The following CDKL2 variants were observed in gnomAD, a reference collection of about 807,000 sequenced individuals.
The protein encoded by CDKL2 is cyclin-dependent kinase-like 2.
A neutral mutation model predicts 63.9 loss-of-function variants in CDKL2; 64 were observed. The observed-to-expected ratio is 1.00, with a 90% CI of 0.82 to 1.23. The LOEUF (loss-of-function observed/expected upper bound fraction) is 1.23, where lower values mean the gene tolerates loss of function less well. Among genes scored for constraint, CDKL2 ranks in the 50% most tolerant of loss-of-function variants. CDKL2 has a pLI of 0.00. For synonymous variants in CDKL2, 211 were observed against 229.2 expected, an observed-to-expected ratio of 0.92 and a Z score of 0.72; for missense variants, 656 against 668.0, an observed-to-expected ratio of 0.98 and a Z score of 0.20.
chr4:75,599,106 G>A (rs1412380638), intron 7 of CDKL2, among the ~76,000 whole-genome samples: 1 of 152,132 alleles, frequency 6.6e-6, no homozygotes, highest in Admixed American at 6.5e-5. Flanking sequence ...GCTTAACTCA[G>A]CAAACTAATA....
chr4:75,602,336 C>T (rs543645526), intron 6 of CDKL2, among the ~76,000 whole-genome samples: 4 of 152,196 alleles, frequency 2.6e-5, no homozygotes, highest in Admixed American at 1.3e-4. Context: ...CGTGCCACCA[C>T]GCCCAGCTAA....
At chr4:75,595,976 A>AAAGAAGGAAG in intron 10 of CDKL2, 1 of 154,206 alleles carries the variant, frequency 6.5e-6, no homozygotes, top group South Asian at 1.3e-4. Flanking sequence ...AAGGAAGGAA[A>AAAGAAGGAAG]GAAGGAAGGA....
At chr4:75,614,228 A>G in intron 3 of CDKL2, 27 bp downstream of exon 3, 1 of 1,433,626 alleles carries the variant, frequency 7.0e-7, no homozygotes, top group Admixed American at 2.0e-5. Context: ...TATGTGATAA[A>G]GCAAATTATT....
At chr4:75,609,711 G>A (rs932939393) in intron 3 of CDKL2, among the ~76,000 whole-genome samples, 1 of 148,466 alleles carries the variant, frequency 6.7e-6, no homozygotes, top group African/African-American at 2.5e-5. Context: ...GACATTATTA[G>A]GCCTAATTCT....
chr4:75,581,959 A>G, intron 12 of CDKL2, 61 bp from the exon 13 acceptor site: 1 of 1,066,416 alleles, frequency 9.4e-7, no homozygotes, highest in Admixed American at 1.8e-5. Context: ...CACTTCCCCA[A>G]AATTTCAATT....
chr4:75,580,560 A>T (rs539902083), intron 13 of CDKL2, among the ~76,000 whole-genome samples: 1 of 151,654 alleles, frequency 6.6e-6, no homozygotes, highest in South Asian at 2.1e-4. Context: ...CCAGCTACTC[A>T]GGAGGCTGGG....
At chr4:75,583,456 C>A (rs1050190708) in intron 12 of CDKL2, among the ~76,000 whole-genome samples, 3 of 152,144 alleles carry the variant, frequency 2.0e-5, no homozygotes, top group Non-Finnish European at 2.9e-5. Context: ...CTGAAAGATA[C>A]CAGCCTTCCC....
At chr4:75,607,427 G>A (rs1729469982) in intron 3 of CDKL2, 66 bp from the exon 4 acceptor site, 1 of 1,254,422 alleles carries the variant, frequency 8.0e-7, no homozygotes. Flanking sequence ...CCTGCTATGT[G>A]CAGGGCATTG....
chr4:75,615,312 A>G (rs999702296), intron 2 of CDKL2, among the ~76,000 whole-genome samples: 1 of 152,204 alleles, frequency 6.6e-6, no homozygotes, highest in African/African-American at 2.4e-5. Flanking sequence ...ACTTTATTAT[A>G]AGAAACAATC....
At chr4:75,582,196 C>T (rs2148855593) in intron 12 of CDKL2, among the ~76,000 whole-genome samples, 2 of 152,214 alleles carry the variant, frequency 1.3e-5, no homozygotes, top group Middle Eastern at 6.8e-3. Context: ...CTACTTATTA[C>T]AAAAATACAA....
chr4:75,620,459 C>A (rs1730108564), intron 2 of CDKL2, among the ~76,000 whole-genome samples: 1 of 152,076 alleles, frequency 6.6e-6, no homozygotes, highest in Non-Finnish European at 1.5e-5. Flanking sequence ...AATAAAAATT[C>A]TAGGATAGAA....
chr4:75,619,585 A>T (rs1032161707), intron 2 of CDKL2, among the ~76,000 whole-genome samples: 2 of 118,564 alleles, frequency 1.7e-5, no homozygotes, highest in African/African-American at 9.5e-5. Context: ...TATAAAAAAA[A>T]AAAAAAAAAA....
chr4:75,605,570 G>A lies in CDKL2; in HGVS notation c.607C>T (p.Pro203Ser), dbSNP rs1468547449. 6.2e-7 allele frequency: 1 copy of A among 1,613,330 alleles called. No individual in the cohort carries two copies. Among genetic ancestry groups the A allele is most frequent in the Non-Finnish European group, 8.5e-7 (1 of 1,179,360 alleles). The stretch of plus-strand genomic sequence containing the variant: ...AGCTGATCAATATCAGAATCTCCAG[G>A]AAATAGGGGTTCCCCCATGAACATT... ...TEMFMGEPLF[P>S]GDSDIDQLYH... is the part of the protein sequence containing the mutation. The change falls in exon 5 of 14, where the codon CCT becomes TCT. Residue 203 changes from proline (P) to serine (S), a missense_variant. Coordinates refer to ENST00000307465, the MANE Select transcript of CDKL2 (RefSeq NM_001330724.2).
intron 13 of CDKL2, among the ~76,000 whole-genome samples, chr4:75,580,425 G>A (rs1051156590): frequency 1.3e-5 from 2 of 151,870 alleles, no homozygotes; most frequent in African/African-American, 4.8e-5. Context: ...CAGCACTTAG[G>A]GAGGCCAAGA....
chr4:75,592,020 AT>A, intron 11 of CDKL2, 95 bp from the exon 12 acceptor site: 1 of 1,289,726 alleles, frequency 7.8e-7, no homozygotes, highest in Middle Eastern at 1.9e-4. Context: ...GTATGTACTT[AT>A]TATAACAGGT....
chr4:75,596,545 C>T (rs1187607430), intron 9 of CDKL2, among the ~76,000 whole-genome samples: 3 of 152,184 alleles, frequency 2.0e-5, no homozygotes, highest in African/African-American at 7.2e-5. Flanking sequence ...CCAACTCCTA[C>T]CAAATACATT....
chr4:75,621,545 G>T, intron 2 of CDKL2, among the ~76,000 whole-genome samples: 1 of 150,386 alleles, frequency 6.6e-6, no homozygotes, highest in African/African-American at 2.4e-5. Context: ...TTTTTGAAGC[G>T]ATGAGATCTC....
At chr4:75,625,152 C>A (rs781135268) in intron 2 of CDKL2, among the ~76,000 whole-genome samples, 1 of 151,974 alleles carries the variant, frequency 6.6e-6, no homozygotes, top group African/African-American at 2.4e-5. Flanking sequence ...ATATGAAATA[C>A]GTTTCAAGAA....
At chr4:75,624,591 C>T in intron 2 of CDKL2, among the ~76,000 whole-genome samples, 1 of 151,842 alleles carries the variant, frequency 6.6e-6, no homozygotes, top group Non-Finnish European at 1.5e-5. Flanking sequence ...TGGCTCACAC[C>T]TGTAATCCCA....
Sources: allele counts gnomAD v4.1 joint callset (sites outside exome capture counted in the v4.1 genomes callset), GRCh38; gene constraint gnomAD v4.1.1; transcripts MANE v1.5; gene names NCBI Gene and HGNC (gene_info 2026-07-23, HGNC 2026-07-21).